The following SAMD7 variants were observed in gnomAD, a reference collection of about 807,000 sequenced individuals.
SAMD7 encodes the protein sterile alpha motif domain containing 7.
In SAMD7, 34 loss-of-function variants were observed where a neutral mutation model predicts 36.7. The ratio of observed to expected loss-of-function variants is 0.93; its 90% CI spans 0.71 to 1.23. The LOEUF is 1.23. Ranked by LOEUF, SAMD7 falls within the 50% of genes most tolerant of loss-of-function variation. The pLI, the probability that SAMD7 is intolerant of heterozygous loss-of-function variation, is 0.00. For synonymous variants in SAMD7, 188 were observed against 189.7 expected (o/e 0.99, Z 0.07); for missense variants, 570 against 546.6 (o/e 1.04, Z -0.43).
chr3:169,912,170 C>T (rs1454845483), intron 1 of SAMD7, among the ~76,000 whole-genome samples: 3 of 152,062 alleles, frequency 2.0e-5, no homozygotes, highest in South Asian at 2.1e-4. Context: ...GATGAAGTAC[C>T]TACCTCTATG....
rs1559952571 is a variant in SAMD7 at position 169,928,559 on chromosome 3, G to T, written c.1022G>T (p.Gly341Val). Residue 341 changes from glycine to valine, a missense_variant, in exon 7 of 9, where the codon GGT (glycine) becomes GTT (valine). Transcript: ENST00000335556. ...CACAGCTTCATTCGCAGCCTTCCAG[G>T]TTGTTCAGACTATGCTCAGGTGACT... ...DVHSFIRSLP[G>V]CSDYAQVFKD... 1 of 1,614,006 alleles carries T rather than the reference G, an allele frequency of 6.2e-7. No individual in the cohort carries two copies.
intron 6 of SAMD7, among the ~76,000 whole-genome samples, chr3:169,927,511 G>A (rs1713328019): frequency 6.6e-6 from 1 of 151,796 alleles, no homozygotes; most frequent in South Asian, 2.1e-4. Context: ...TGGCCAGGAT[G>A]GTCTCAATCT....
At position 169,926,781 on chromosome 3, in the gene SAMD7, T is replaced by C. The variant is rs553512281; in HGVS notation, c.519T>C (p.Phe173=). 1.3e-4 allele frequency: 217 copies of C among 1,613,708 alleles called. 2 individuals are homozygous for C. The South Asian group carries it at 1.7e-3, about 13-fold the overall frequency. The change falls in exon 6 of 9, where the codon TTT becomes TTC. Residue 173 remains phenylalanine (F), a synonymous_variant. Transcript: ENST00000335556. ...TGCTAGCGGCAACTGCACCACACTT[T>C]GAGGAGAGCTGGGGGCAGAGATGTC... is the stretch of plus-strand genomic sequence containing the variant. The part of the protein sequence containing the change: ...NPMLAATAPH[F]EESWGQRCRR...
At chr3:169,922,700 C>A (rs1466919578) in intron 4 of SAMD7, among the ~76,000 whole-genome samples, 3 of 152,150 alleles carry the variant, frequency 2.0e-5, no homozygotes, top group Non-Finnish European at 4.4e-5. Context: ...GAGTTTCACC[C>A]TGTTGGCCAT....
At chr3:169,936,837 C>G (rs915742869) in intron 8 of SAMD7, among the ~76,000 whole-genome samples, 79 of 152,082 alleles carry the variant, frequency 5.2e-4, no homozygotes, top group African/African-American at 1.7e-3. Context: ...GAGTGCTGCC[C>G]TCCTCGCTCC....
chr3:169,913,157 C>G (rs1712671050), intron 1 of SAMD7, among the ~76,000 whole-genome samples: 1 of 152,162 alleles, frequency 6.6e-6, no homozygotes, highest in African/African-American at 2.4e-5. Context: ...TACTGATCTA[C>G]TTTTCACATA....
At chr3:169,913,425 GT>G (rs1712682411) in intron 1 of SAMD7, among the ~76,000 whole-genome samples, 1 of 152,186 alleles carries the variant, frequency 6.6e-6, no homozygotes, top group South Asian at 2.1e-4. Flanking sequence ...AAGGGCTTTA[GT>G]TCATGAAGTT....
At chr3:169,921,166 A>C in intron 3 of SAMD7, 48 bp from the exon 4 acceptor site, 4 of 1,554,442 alleles carry the variant, frequency 2.6e-6, no homozygotes, top group Non-Finnish European at 3.6e-6. Flanking sequence ...GAAATTGTGT[A>C]CTCCAACCTC....
At chr3:169,919,892 C>T (rs559755799) in intron 3 of SAMD7, among the ~76,000 whole-genome samples, 2 of 152,166 alleles carry the variant, frequency 1.3e-5, no homozygotes, top group East Asian at 1.9e-4. Flanking sequence ...ATACTGCAGA[C>T]AGCCGGGCAC....
intron 7 of SAMD7, among the ~76,000 whole-genome samples, chr3:169,929,192 T>A (rs1244415965): frequency 6.6e-6 from 1 of 152,164 alleles, no homozygotes; most frequent in Non-Finnish European, 1.5e-5. Context: ...ATTGAAAAAT[T>A]TGTGACAAAA....
intron 7 of SAMD7, among the ~76,000 whole-genome samples, chr3:169,930,698 C>T (rs1301939948): frequency 6.6e-6 from 1 of 151,370 alleles, no homozygotes; most frequent in Non-Finnish European, 1.5e-5. Context: ...TCTCCTGCCT[C>T]AGCCTCCCGA....
intron 6 of SAMD7, among the ~76,000 whole-genome samples, chr3:169,927,898 A>G (rs1348258216): frequency 1.3e-5 from 2 of 152,226 alleles, no homozygotes; most frequent in African/African-American, 4.8e-5. Context: ...CAGAAGTATT[A>G]CCTTTCAGTG....
chr3:169,916,929 G>A (rs563241763), intron 2 of SAMD7, among the ~76,000 whole-genome samples: 64 of 152,262 alleles, frequency 4.2e-4, no homozygotes, highest in African/African-American at 1.4e-3. Flanking sequence ...GCCCATCTCC[G>A]ACCCAGCCTG....
intron 1 of SAMD7, 32 bp from the exon 2 acceptor site, chr3:169,915,335 A>G (rs1003111789): frequency 1.3e-5 from 2 of 152,146 alleles, no homozygotes; most frequent in African/African-American, 2.4e-5. Context: ...TTACCTCCCA[A>G]ATAAACTACT....
At chr3:169,936,226 G>A in intron 7 of SAMD7, 113 bp from the exon 8 acceptor site, 1 of 639,418 alleles carries the variant, frequency 1.6e-6, no homozygotes, top group South Asian at 2.0e-5. Flanking sequence ...AAATTTTTTT[G>A]TCATCCTCAA....
At chr3:169,931,246 G>T (rs141559529) in intron 7 of SAMD7, among the ~76,000 whole-genome samples, 1 of 152,302 alleles carries the variant, frequency 6.6e-6, no homozygotes, top group African/African-American at 2.4e-5. Flanking sequence ...CTGAAAATAT[G>T]TGCACATTTA....
chr3:169,930,525 T>G (rs1222769648), intron 7 of SAMD7, among the ~76,000 whole-genome samples: 1 of 151,714 alleles, frequency 6.6e-6, no homozygotes, highest in African/African-American at 2.4e-5. Context: ...AGGACGCTTG[T>G]CTAAAATGTC....
intron 7 of SAMD7, among the ~76,000 whole-genome samples, chr3:169,935,175 A>G (rs1393083091): frequency 6.6e-6 from 1 of 152,216 alleles, no homozygotes; most frequent in Non-Finnish European, 1.5e-5. Context: ...TCTAGCTGTG[A>G]AGGGAGTGAG....
chr3:169,914,175 T>C (rs1712708997), intron 1 of SAMD7, among the ~76,000 whole-genome samples: 2 of 152,130 alleles, frequency 1.3e-5, no homozygotes, highest in Non-Finnish European at 2.9e-5. Flanking sequence ...AGGATGTTGA[T>C]AGTGAGGAAG....
Sources: allele counts gnomAD v4.1 joint callset (sites outside exome capture counted in the v4.1 genomes callset), GRCh38; gene constraint gnomAD v4.1.1; transcripts MANE v1.5; gene names NCBI Gene and HGNC (gene_info 2026-07-23, HGNC 2026-07-21).